OSBP2: variants seen among roughly 807,000 people sequenced by gnomAD.
The protein encoded by OSBP2 is oxysterol-binding protein 2.
In OSBP2, 66 loss-of-function variants were observed where a neutral mutation model predicts 96.0. The ratio of observed to expected loss-of-function variants is 0.69; its 90% CI spans 0.56 to 0.84. The LOEUF (loss-of-function observed/expected upper bound fraction) is 0.84, where lower values mean the gene tolerates loss of function less well. OSBP2 is among the 40% of genes least tolerant of loss of function. OSBP2 has a pLI of 0.00. For missense variants in OSBP2, 1,038 were observed against 1,222.7 expected (o/e 0.85, Z 2.25); for synonymous variants, 525 against 520.9 (o/e 1.01, Z -0.11).
chr22:30,723,606 G>A (rs974022999), intron 1 of OSBP2, among the ~76,000 whole-genome samples: 2 of 151,688 alleles, frequency 1.3e-5, no homozygotes, highest in Non-Finnish European at 2.9e-5. Flanking sequence ...TAGAGACGGG[G>A]TTTCACCATG....
chr22:30,839,758 G>A (rs2038709798), intron 2 of OSBP2, among the ~76,000 whole-genome samples: 1 of 151,860 alleles, frequency 6.6e-6, no homozygotes, highest in African/African-American at 2.4e-5. Context: ...TGTCAGATGA[G>A]TAGGTTGCGA....
rs141924028 is a variant in OSBP2, at chr22:30,823,363, T to C, written c.854-47066T>C. Among the ~76,000 whole-genome samples, 251 of 152,376 alleles carry C rather than the reference T, an allele frequency of 1.6e-3. 1 individual carries two copies. The highest frequency in any genetic ancestry group is 5.7e-3 in the African/African-American group (237 of 41,578). ...TTCCTGATGCTTGAAACCTTCTTTATTGGAAATTTTGCGTGAGTGAAATTT... is the reference window on the plus strand; with the variant it reads ...TTCCTGATGCTTGAAACCTTCTTTACTGGAAATTTTGCGTGAGTGAAATTT... On this transcript the variant is annotated intron_variant, in intron 2 of 13. Coordinates refer to ENST00000332585, the MANE Select transcript of OSBP2 (RefSeq NM_030758.4).
rs968153638 is a variant in OSBP2 at position 30,873,824 on chromosome 22, G to A, written c.1107+3142G>A. 5.9e-5 allele frequency among the ~76,000 whole-genome samples: 9 copies of A among 152,248 alleles called. No individual in the cohort carries two copies. The East Asian group carries it at 1.5e-3, about 26-fold the overall frequency. On this transcript the variant is annotated intron_variant, in intron 3 of 13. Coordinates refer to ENST00000332585, the MANE Select transcript of OSBP2 (RefSeq NM_030758.4). ...GCTGGCCAGACAAAGCCCACATGGA[G>A]GGTGTCCTTCACAGCGCGCTGGGGC...
At chr22:30,902,140 C>CAAAAAAAAAAAAAAAAAAAAAAAAAAA (rs1239083048) in intron 12 of OSBP2, 7 of 253,948 alleles carry the variant, frequency 2.8e-5, no homozygotes, top group African/African-American at 1.7e-4. Context: ...AAAAAAAAAC[C>CAAAAAAAAAAAAAAAAAAAAAAAAAAA]AAAAAAAAAA....
rs747457469 is a variant in OSBP2 at position 30,881,064 on chromosome 22, T to C, written c.1108-6362T>C. 6.6e-6 allele frequency among the ~76,000 whole-genome samples: 1 copy of C among 152,244 alleles called. No homozygotes were observed. Among genetic ancestry groups the C allele is most frequent in the East Asian group, 1.9e-4 (1 of 5,162 alleles). ...TCGAGCTTTGTGGTTCTCACTCTGC[T>C]TGGGGGCAACTCGACAGGCTCCCTG... On this transcript the variant is annotated intron_variant, in intron 3 of 13. Coordinates refer to ENST00000332585, the MANE Select transcript of OSBP2 (RefSeq NM_030758.4). This position sits in a 1 kb window ranked among gnomAD's most constrained non-coding sequence, Gnocchi z 4.5.
intron 1 of OSBP2, among the ~76,000 whole-genome samples, chr22:30,737,315 CTTT>C (rs34541516): frequency 1.1e-3 from 123 of 110,396 alleles, no homozygotes; most frequent in Non-Finnish European, 1.6e-3. Context: ...TGCGCCCGGC[CTTT>C]TTTTTTTTTT....
At chr22:30,729,899 G>A (rs930631244) in intron 1 of OSBP2, among the ~76,000 whole-genome samples, 2 of 152,016 alleles carry the variant, frequency 1.3e-5, no homozygotes, top group Non-Finnish European at 2.9e-5. Context: ...ACTTCAACAC[G>A]TTGATTATGG....
intron 1 of OSBP2, among the ~76,000 whole-genome samples, chr22:30,701,156 C>A (rs1206850168): frequency 6.6e-6 from 1 of 151,130 alleles, no homozygotes; most frequent in African/African-American, 2.4e-5. Flanking sequence ...TGAGCTGCAC[C>A]CATTTTGGGT....
rs543480450 is a variant in OSBP2 at position 30,784,436 on chromosome 22, T to A, written c.853+43067T>A. 5.9e-4 allele frequency among the ~76,000 whole-genome samples: 89 copies of A among 151,304 alleles called. 1 individual carries two copies. In the South Asian group the frequency reaches 0.015, roughly 25 times the overall value. On this transcript the variant is annotated intron_variant, in intron 2 of 13. Coordinates refer to ENST00000332585, the MANE Select transcript of OSBP2 (RefSeq NM_030758.4). Reference sequence around the variant, plus strand: ...GCCTGGCTGATTAAAAAAAAAAAATTTTTTTAAAGACGAGGTCGTGCTATG... The same window carrying A: ...GCCTGGCTGATTAAAAAAAAAAAATATTTTTAAAGACGAGGTCGTGCTATG...
chr22:30,896,016 T>G (rs2040059005), intron 12 of OSBP2, among the ~76,000 whole-genome samples: 1 of 151,706 alleles, frequency 6.6e-6, no homozygotes, highest in Non-Finnish European at 1.5e-5. Context: ...GTTTTGTTTG[T>G]TTTTTTGTTG....
intron 2 of OSBP2, among the ~76,000 whole-genome samples, chr22:30,867,441 T>C (rs927253187): frequency 1.3e-5 from 2 of 152,212 alleles, no homozygotes; most frequent in Non-Finnish European, 2.9e-5. Context: ...TGGGCCTAGG[T>C]GGGCCCCGAA....
chr22:30,884,927 T>G (rs2039778192), intron 3 of OSBP2, among the ~76,000 whole-genome samples: 1 of 152,164 alleles, frequency 6.6e-6, no homozygotes, highest in Non-Finnish European at 1.5e-5. Context: ...ATCTGAGCGG[T>G]TCTGACTGAG....
chr22:30,768,808 T>A (rs2090311349), intron 2 of OSBP2, among the ~76,000 whole-genome samples: 1 of 152,244 alleles, frequency 6.6e-6, no homozygotes, highest in Non-Finnish European at 1.5e-5. Flanking sequence ...ATAATAGCAC[T>A]TTCGTTTGTA....
intron 1 of OSBP2, among the ~76,000 whole-genome samples, chr22:30,722,974 C>T (rs1036202951): frequency 4.0e-5 from 6 of 151,756 alleles, no homozygotes; most frequent in African/African-American, 7.3e-5. Context: ...TTAGTAAAGA[C>T]AGGATCTCAC....
Position 30,709,075 on chromosome 22 carries a change from GACA to G in OSBP2, c.644+13527_644+13529del, listed in dbSNP as rs550342287. Among the ~76,000 whole-genome samples, 27 of 151,878 alleles carry G rather than the reference GACA, an allele frequency of 1.8e-4. No homozygotes were observed. The South Asian group carries it at 5.7e-3, about 32-fold the overall frequency. ...GGTTGTCCTGTTGCACTCTAGCCTG[GACA>G]ACAAGAGCGAAAACTCCATCTCAAA... is the stretch of plus-strand genomic sequence containing the variant. On this transcript the variant is annotated intron_variant, in intron 1 of 13. Transcript: ENST00000332585.
chr22:30,717,837 A>G (rs76424491), intron 1 of OSBP2, among the ~76,000 whole-genome samples: 10,678 of 152,232 alleles, frequency 0.07, 524 homozygotes, highest in Non-Finnish European at 0.1. Flanking sequence ...CACCTCAGTG[A>G]CAATGGGTTG....
In OSBP2 at chr22:30,854,118, C is replaced by T. The variant is rs560047729; in HGVS notation, c.854-16311C>T. The stretch of plus-strand genomic sequence containing the variant: ...TACAGTACGCATTTTTAACTTACGG[C>T]AGTCTCCTTCCAAATAATTCACCAC... On this transcript the variant is annotated intron_variant, in intron 2 of 13. Transcript: ENST00000332585. 5.9e-5 allele frequency among the ~76,000 whole-genome samples: 9 copies of T among 152,130 alleles called. No individual in the cohort carries two copies. In the East Asian group the frequency reaches 1.7e-3, roughly 29 times the overall value.
chr22:30,802,553 G>A (rs1033907961), intron 2 of OSBP2, among the ~76,000 whole-genome samples: 6 of 152,242 alleles, frequency 3.9e-5, no homozygotes, highest in African/African-American at 1.4e-4. Flanking sequence ...TTAGTGTCGT[G>A]TCGGGTTCCA....
At chr22:30,876,700 G>C (rs1026920934) in intron 3 of OSBP2, among the ~76,000 whole-genome samples, 1 of 152,224 alleles carries the variant, frequency 6.6e-6, no homozygotes, top group Non-Finnish European at 1.5e-5. Flanking sequence ...GGGGAGCCAG[G>C]ATGGGAAAGG....
Sources: allele counts gnomAD v4.1 joint callset (sites outside exome capture counted in the v4.1 genomes callset), GRCh38; gene constraint gnomAD v4.1.1; non-coding constraint Gnocchi (gnomAD v3.1); transcripts MANE v1.5; gene names NCBI Gene and HGNC (gene_info 2026-07-23, HGNC 2026-07-21).